ULK4: variants seen among roughly 807,000 people sequenced by gnomAD.
ULK4 encodes unc-51 like kinase 4, also known as inactive serine/threonine-protein kinase ULK4.
Under a neutral mutation model 160.6 loss-of-function variants are expected in ULK4, and 133 were observed. The ratio of observed to expected loss-of-function variants is 0.83; its 90% CI spans 0.72 to 0.96. ULK4 has a LOEUF of 0.96. Among genes scored for constraint, ULK4 ranks in the 40% least tolerant of loss-of-function variants. The pLI is 0.00. For synonymous variants in ULK4, 534 were observed against 539.8 expected (o/e 0.99, Z 0.15); for missense variants, 1,580 against 1,499.5 (o/e 1.05, Z -0.89).
At chr3:41,774,000 G>A (rs2039508117) in intron 21 of ULK4, among the ~76,000 whole-genome samples, 1 of 152,112 alleles carries the variant, frequency 6.6e-6, no homozygotes. Flanking sequence ...AAATGGTGCT[G>A]GGAAAACTGG....
At chr3:41,605,238 T>G (rs965736524) in intron 31 of ULK4, among the ~76,000 whole-genome samples, 8 of 151,104 alleles carry the variant, frequency 5.3e-5, no homozygotes, top group Non-Finnish European at 8.9e-5. Context: ...AGAAAACTAG[T>G]AGTAAGATTT....
chr3:41,742,061 C>G (rs559335205), intron 22 of ULK4, among the ~76,000 whole-genome samples: 1 of 151,904 alleles, frequency 6.6e-6, no homozygotes, highest in African/African-American at 2.4e-5. Context: ...ACCTGCCCTG[C>G]TCTGACAACA....
intron 35 of ULK4, among the ~76,000 whole-genome samples, chr3:41,262,733 C>T (rs2078968413): frequency 6.6e-6 from 1 of 152,176 alleles, no homozygotes. Context: ...CCAACCAGTT[C>T]TCTCAGCTCT....
intron 32 of ULK4, among the ~76,000 whole-genome samples, chr3:41,557,762 CT>C (rs1240619842): frequency 1.3e-5 from 2 of 151,794 alleles, no homozygotes; most frequent in Non-Finnish European, 2.9e-5. Context: ...GAGACTCTGT[CT>C]CTAAAATAAA....
chr3:41,749,074 GC>G (rs1699241253), intron 22 of ULK4, among the ~76,000 whole-genome samples: 1 of 152,196 alleles, frequency 6.6e-6, no homozygotes, highest in Non-Finnish European at 1.5e-5. Flanking sequence ...TTGCAATGGT[GC>G]AAAAACAATA....
At chr3:41,411,536 T>C (rs2082409739) in intron 34 of ULK4, among the ~76,000 whole-genome samples, 1 of 151,928 alleles carries the variant, frequency 6.6e-6, no homozygotes, top group Non-Finnish European at 1.5e-5. Flanking sequence ...CAAGTGATTC[T>C]CCTGCCTCAG....
intron 35 of ULK4, among the ~76,000 whole-genome samples, chr3:41,338,062 T>C (rs2080601873): frequency 6.6e-6 from 1 of 152,264 alleles, no homozygotes; most frequent in Non-Finnish European, 1.5e-5. Context: ...AAAGCTTTTA[T>C]GTTCACCTTC....
At chr3:41,779,159 C>T (rs2039730631) in intron 21 of ULK4, among the ~76,000 whole-genome samples, 1 of 40,866 alleles carries the variant, frequency 2.4e-5, no homozygotes, top group Non-Finnish European at 3.8e-5. Context: ...ACAACCCCAT[C>T]ACAAAGTGGG....
chr3:41,865,156 C>T (rs2042587741), intron 17 of ULK4, among the ~76,000 whole-genome samples: 1 of 151,670 alleles, frequency 6.6e-6, no homozygotes, highest in African/African-American at 2.4e-5. Flanking sequence ...CCTGTAATCC[C>T]CAGCTACTTG....
chr3:41,336,374 C>T (rs1488726428), intron 35 of ULK4, among the ~76,000 whole-genome samples: 1 of 152,194 alleles, frequency 6.6e-6, no homozygotes, highest in African/African-American at 2.4e-5. Context: ...TTCAAGCTCC[C>T]TCTGAAACAC....
At chr3:41,510,481 A>T (rs944684691) in intron 32 of ULK4, among the ~76,000 whole-genome samples, 1 of 152,246 alleles carries the variant, frequency 6.6e-6, no homozygotes, top group Non-Finnish European at 1.5e-5. Context: ...GAAAAAATGT[A>T]TGTACAAGAC....
At chr3:41,464,341 T>C (rs2083772171) in intron 32 of ULK4, among the ~76,000 whole-genome samples, 1 of 152,162 alleles carries the variant, frequency 6.6e-6, no homozygotes, top group Non-Finnish European at 1.5e-5. Flanking sequence ...GCATCAAAGT[T>C]ATACCTCCTG....
intron 27 of ULK4, among the ~76,000 whole-genome samples, chr3:41,684,482 C>T (rs2036032845): frequency 6.6e-6 from 1 of 152,184 alleles, no homozygotes; most frequent in South Asian, 2.1e-4. Context: ...CCCTCTCTTG[C>T]TATCTAGCAT....
At chr3:41,586,611 C>T (rs190356106) in intron 31 of ULK4, among the ~76,000 whole-genome samples, 2 of 152,184 alleles carry the variant, frequency 1.3e-5, no homozygotes, top group African/African-American at 4.8e-5. Flanking sequence ...ATAAACTTCA[C>T]ATTTAAAAAT....
chr3:41,353,303 G>T (rs1379421232), intron 35 of ULK4, among the ~76,000 whole-genome samples: 1 of 152,182 alleles, frequency 6.6e-6, no homozygotes, highest in African/African-American at 2.4e-5. Flanking sequence ...CAGAGGGCCA[G>T]TGATATAGAC....
At chr3:41,767,462 T>A (rs554927974) in intron 21 of ULK4, among the ~76,000 whole-genome samples, 1 of 152,228 alleles carries the variant, frequency 6.6e-6, no homozygotes, top group African/African-American at 2.4e-5. Flanking sequence ...CTAAGTTCAA[T>A]TAATCTGAAT....
chr3:41,470,037 AAAAAAAAAAC>A (rs2083943757), intron 32 of ULK4, among the ~76,000 whole-genome samples: 2 of 147,596 alleles, frequency 1.4e-5, no homozygotes, highest in Non-Finnish European at 3.0e-5. Context: ...AAAAAAAAAA[AAAAAAAAAAC>A]AAAGTATTTT....
At chr3:41,348,968 C>A (rs2080858760) in intron 35 of ULK4, among the ~76,000 whole-genome samples, 1 of 152,118 alleles carries the variant, frequency 6.6e-6, no homozygotes. Context: ...ACCCAAGGAA[C>A]CAAAGCATCC....
At chr3:41,770,854 G>T (rs994582455) in intron 21 of ULK4, among the ~76,000 whole-genome samples, 1 of 152,140 alleles carries the variant, frequency 6.6e-6, no homozygotes, top group Non-Finnish European at 1.5e-5. Flanking sequence ...GGGTAAAGGA[G>T]AGAGCCTCAT....
Sources: gnomAD v4.1 joint callset for allele counts (sites outside exome capture counted in the v4.1 genomes callset) on GRCh38, gnomAD v4.1.1 for gene constraint, MANE v1.5 for transcripts, NCBI Gene and HGNC (gene_info 2026-07-23, HGNC 2026-07-21) for gene names.